LYPD6B: variants seen among roughly 807,000 people sequenced by gnomAD.
LYPD6B encodes the protein ly6/PLAUR domain-containing protein 6B.
A neutral mutation model predicts 22.8 loss-of-function variants in LYPD6B; 17 were observed. The observed-to-expected ratio is 0.75, with a 90% CI of 0.51 to 1.12. The LOEUF (loss-of-function observed/expected upper bound fraction) is 1.12, where lower values mean the gene tolerates loss of function less well. LYPD6B is among the 50% of genes most tolerant of loss of function. The probability of loss-of-function intolerance (pLI) is 0.00; values close to 1 mark genes in which losing one functional copy is unlikely to be tolerated. For missense variants in LYPD6B, 221 were observed against 258.3 expected (o/e 0.86, Z 0.99); for synonymous variants, 106 against 91.6 (o/e 1.16, Z -0.90).
At chr2:149,196,843 C>A (rs1692842093) in intron 3 of LYPD6B, among the ~76,000 whole-genome samples, 1 of 152,152 alleles carries the variant, frequency 6.6e-6, no homozygotes, top group Admixed American at 6.5e-5. Flanking sequence ...TAAACGAAGT[C>A]AAAAAGTGCT....
rs937177410 is a variant in LYPD6B, at chr2:149,074,584, G to A, written c.-67+35783G>A. 3.3e-5 allele frequency among the ~76,000 whole-genome samples: 5 copies of A among 152,176 alleles called. No individual in the cohort carries two copies. The East Asian group carries it at 7.7e-4, about 23-fold the overall frequency. ...CAAGGTGTGCTGATGGGCCCTTCCA[G>A]CCTCAGAGAAGAGTAATTGGGGTGA... On this transcript the variant is annotated intron_variant, in intron 1 of 6. Coordinates refer to ENST00000409642, the MANE Select transcript of LYPD6B (RefSeq NM_177964.5).
At chr2:149,168,302 G>A (rs1308393882) in intron 3 of LYPD6B, among the ~76,000 whole-genome samples, 1 of 151,396 alleles carries the variant, frequency 6.6e-6, no homozygotes, top group African/African-American at 2.4e-5. Flanking sequence ...AATGGTTAAA[G>A]GCATATTTAC....
rs60129822 is a variant in LYPD6B at position 149,159,589 on chromosome 2, CGTGTGTGTGTGTGTGT to C, written c.6-1154_6-1139del. ...CCCTGCCCGAGAGAGCATATGTGTG[CGTGTGTGTGTGTGTGT>C]GTGTGTGTGTGTGTGTGTGTATAGA... On this transcript the variant is annotated intron_variant, in intron 2 of 6. Transcript: ENST00000409642. 1.5e-3 allele frequency among the ~76,000 whole-genome samples: 215 copies of C among 145,906 alleles called. 1 individual carries two copies. The highest frequency in any genetic ancestry group is 2.7e-3 in the Non-Finnish European group (182 of 66,420).
At chr2:149,175,401 A>G (rs141136780) in intron 3 of LYPD6B, among the ~76,000 whole-genome samples, 1,627 of 152,336 alleles carry the variant, frequency 0.011, 15 homozygotes, top group Non-Finnish European at 0.013. Flanking sequence ...GGCATTTACC[A>G]TGAATAGAAC....
At chr2:149,069,865 T>C (rs1008265163) in intron 1 of LYPD6B, among the ~76,000 whole-genome samples, 1 of 151,808 alleles carries the variant, frequency 6.6e-6, no homozygotes, top group Non-Finnish European at 1.5e-5. Context: ...TAATAGAAGC[T>C]TAAGAGCTTT....
At chr2:149,116,563 AC>A (rs1687015678) in intron 1 of LYPD6B, among the ~76,000 whole-genome samples, 1 of 152,136 alleles carries the variant, frequency 6.6e-6, no homozygotes. Flanking sequence ...TTTGAATCTG[AC>A]CACTTTGACC....
At chr2:149,099,871 A>G (rs1415673975) in intron 1 of LYPD6B, among the ~76,000 whole-genome samples, 1 of 152,168 alleles carries the variant, frequency 6.6e-6, no homozygotes, top group Non-Finnish European at 1.5e-5. Context: ...TAGCAGTGTG[A>G]TATTTAAAAA....
At chr2:149,149,596 C>T (rs1048880795) in intron 2 of LYPD6B, among the ~76,000 whole-genome samples, 1 of 152,110 alleles carries the variant, frequency 6.6e-6, no homozygotes, top group Admixed American at 6.5e-5. Context: ...TCCAAGCGGC[C>T]AGGGAAGACT....
chr2:149,076,165 C>T (rs1490811595), intron 1 of LYPD6B, among the ~76,000 whole-genome samples: 5 of 152,174 alleles, frequency 3.3e-5, no homozygotes, highest in Non-Finnish European at 7.3e-5. Context: ...AACTTAATAG[C>T]TACCAGAGTA....
intron 1 of LYPD6B, among the ~76,000 whole-genome samples, chr2:149,048,140 C>T (rs1057224215): frequency 5.3e-5 from 8 of 152,098 alleles, no homozygotes; most frequent in Admixed American, 6.6e-5. Flanking sequence ...AATGTCTTTT[C>T]GCAGTATGAT....
chr2:149,100,545 G>T (rs553270056), intron 1 of LYPD6B, among the ~76,000 whole-genome samples: 1 of 151,240 alleles, frequency 6.6e-6, no homozygotes, highest in Non-Finnish European at 1.5e-5. Context: ...GGATCCCCTT[G>T]CCCTGTCACC....
chr2:149,097,562 T>G (rs1356001416), intron 1 of LYPD6B, among the ~76,000 whole-genome samples: 1 of 152,250 alleles, frequency 6.6e-6, no homozygotes, highest in Non-Finnish European at 1.5e-5. Flanking sequence ...TGGGGGCTGC[T>G]GGGCCCTAAC....
chr2:149,205,112 A>T, intron 3 of LYPD6B, 141 bp from the exon 4 acceptor site: 1 of 784,652 alleles, frequency 1.3e-6, no homozygotes, highest in African/African-American at 1.7e-5. Flanking sequence ...AAACAATGCA[A>T]TTTACTCGCA....
chr2:149,121,710 G>A (rs1687369920), intron 1 of LYPD6B, among the ~76,000 whole-genome samples: 1 of 152,202 alleles, frequency 6.6e-6, no homozygotes, highest in Non-Finnish European at 1.5e-5. Context: ...ACTTAGAGCT[G>A]CAGCCACAGA....
chr2:149,046,539 G>C (rs887103741), intron 1 of LYPD6B, among the ~76,000 whole-genome samples: 2 of 151,526 alleles, frequency 1.3e-5, no homozygotes, highest in African/African-American at 2.4e-5. Flanking sequence ...TTGAGATGGG[G>C]TCCCGCTCTG....
At chr2:149,186,603 G>T (rs909705884) in intron 3 of LYPD6B, among the ~76,000 whole-genome samples, 10 of 151,582 alleles carry the variant, frequency 6.6e-5, no homozygotes, top group Non-Finnish European at 1.5e-4. Context: ...ACAGTTTTTT[G>T]TTTGTTTGTT....
rs764587788 is a variant in LYPD6B, at chr2:149,120,361, G to GTATATATA, written c.-66-10506_-66-10499dup. ...TGTGTATATATATATGTGTGTGTGTGTATATATATATATATATATATATTT... is the reference window on the plus strand; with the variant it reads ...TGTGTATATATATATGTGTGTGTGTGTATATATATATATATATATATATATATATATTT... On this transcript the variant is annotated intron_variant, in intron 1 of 6. Transcript: ENST00000409642. Among the ~76,000 whole-genome samples the GTATATATA allele has an allele frequency of 1.1e-3, 41 of 38,746 alleles. 1 individual carries two copies. Among genetic ancestry groups the GTATATATA allele is most frequent in the Middle Eastern group, 0.017 (1 of 58 alleles). 25.4% of individuals were successfully genotyped at this position (38,746 alleles called of 152,430 possible).
chr2:149,130,453 A>T (rs1687956278), intron 1 of LYPD6B, among the ~76,000 whole-genome samples: 1 of 152,174 alleles, frequency 6.6e-6, no homozygotes, highest in East Asian at 1.9e-4. Flanking sequence ...TTTTTATCTT[A>T]GGTACCTGAC....
At chr2:149,105,078 A>G (rs925397309) in intron 1 of LYPD6B, among the ~76,000 whole-genome samples, 3 of 152,150 alleles carry the variant, frequency 2.0e-5, no homozygotes, top group African/African-American at 4.8e-5. Context: ...TATACATCCA[A>G]TTGCTCCAGC....
Sources: gnomAD v4.1 joint callset for allele counts (sites outside exome capture counted in the v4.1 genomes callset) on GRCh38, gnomAD v4.1.1 for gene constraint, MANE v1.5 for transcripts, NCBI Gene and HGNC (gene_info 2026-07-23, HGNC 2026-07-21) for gene names.